CTNNA2: variants seen among roughly 807,000 people sequenced by gnomAD.
The protein encoded by CTNNA2 is catenin alpha 2, also known as catenin alpha-2.
Under a neutral mutation model 101.0 loss-of-function variants are expected in CTNNA2, and 42 were observed. That is an observed-to-expected ratio of 0.42 (90% CI 0.32 to 0.54). The LOEUF (loss-of-function observed/expected upper bound fraction) is 0.54, where lower values mean the gene tolerates loss of function less well. Among genes scored for constraint, CTNNA2 ranks in the 20% least tolerant of loss-of-function variants. The pLI, the probability that CTNNA2 is intolerant of heterozygous loss-of-function variation, is 0.14. For synonymous variants in CTNNA2, 450 were observed against 456.4 expected, an observed-to-expected ratio of 0.99 and a Z score of 0.18; for missense variants, 871 against 1,223.1, an observed-to-expected ratio of 0.71 and a Z score of 4.29.
At chr2:79,406,103 G>A (rs914985245) in intron 4 of CTNNA2, among the ~76,000 whole-genome samples, 5 of 152,044 alleles carry the variant, frequency 3.3e-5, no homozygotes, top group Non-Finnish European at 7.4e-5. Flanking sequence ...AAAATATCAA[G>A]AGGAATGCAA....
At chr2:80,102,629 C>G (rs368857984) in intron 7 of CTNNA2, among the ~76,000 whole-genome samples, 2 of 152,194 alleles carry the variant, frequency 1.3e-5, no homozygotes, top group Non-Finnish European at 2.9e-5. Flanking sequence ...TTTCCTGCCT[C>G]AGCCTCCTGA....
chr2:79,340,850 A>AAG (rs1553401524), intron 3 of CTNNA2, among the ~76,000 whole-genome samples: 9 of 147,098 alleles, frequency 6.1e-5, no homozygotes, highest in East Asian at 3.9e-4. Flanking sequence ...AAAAAAAAAA[A>AAG]AAAAGAAAAG....
At chr2:79,364,193 A>T (rs900378345) in intron 3 of CTNNA2, among the ~76,000 whole-genome samples, 10 of 152,210 alleles carry the variant, frequency 6.6e-5, no homozygotes, top group Non-Finnish European at 7.3e-5. Context: ...GAATACACTT[A>T]ACTTATCCTC....
intron 7 of CTNNA2, among the ~76,000 whole-genome samples, chr2:79,974,163 C>G (rs1346651529): frequency 2.6e-5 from 4 of 151,974 alleles, no homozygotes; most frequent in African/African-American, 9.7e-5. Flanking sequence ...CCTTGGGAAA[C>G]TTAGGAAACT....
At chr2:80,367,007 A>ATTTT (rs3040569) in intron 7 of CTNNA2, among the ~76,000 whole-genome samples, 10 of 142,574 alleles carry the variant, frequency 7.0e-5, no homozygotes, top group African/African-American at 2.3e-4. Flanking sequence ...AAATGGTTGC[A>ATTTT]TTTTTTTTTT....
intron 15 of CTNNA2, among the ~76,000 whole-genome samples, chr2:80,597,255 A>G (rs1215911025): frequency 1.3e-5 from 2 of 152,198 alleles, no homozygotes; most frequent in Admixed American, 1.3e-4. Context: ...CTGGCTAGCC[A>G]TATGCAGAAA....
chr2:80,011,339 G>A (rs1693763812), intron 7 of CTNNA2, among the ~76,000 whole-genome samples: 1 of 152,086 alleles, frequency 6.6e-6, no homozygotes, highest in South Asian at 2.1e-4. Context: ...TACGTATATA[G>A]AAATATGACA....
intron 2 of CTNNA2, among the ~76,000 whole-genome samples, chr2:79,732,414 A>C (rs1026987657): frequency 2.0e-5 from 3 of 152,084 alleles, no homozygotes; most frequent in Non-Finnish European, 4.4e-5. Flanking sequence ...CCTAAAAAGC[A>C]CGAGACTGGC....
At chr2:79,908,704 A>G (rs1031424309) in intron 6 of CTNNA2, among the ~76,000 whole-genome samples, 22 of 152,108 alleles carry the variant, frequency 1.4e-4, no homozygotes, top group Admixed American at 1.2e-3. Context: ...GTCCTTCTGT[A>G]TAGGGGTCTT....
Position 79,909,704 on chromosome 2 carries a change from C to A in CTNNA2, c.963C>A (p.Ser321=), listed in dbSNP as rs373147177. ...GCGCAGCGCTGATGGCCGACTCCTC[C>A]TGCACGCGAGACGACCGGCGCGAGA... ...ISGAALMADS[S]CTRDDRRERI... is the part of the protein sequence containing the mutation. The change falls in exon 7 of 19, where the codon TCC becomes TCA. Residue 321 remains serine, a synonymous_variant. Transcript: ENST00000402739. 116 of 1,614,026 alleles carry A rather than the reference C, an allele frequency of 7.2e-5. No homozygotes were observed. In the African/African-American group the frequency reaches 1.3e-3, roughly 18 times the overall value.
At chr2:80,436,842 A>G (rs11126765) in intron 9 of CTNNA2, among the ~76,000 whole-genome samples, 61,997 of 151,934 alleles carry the variant, frequency 0.41, 17,485 homozygotes, top group East Asian at 0.84. Context: ...CCTCCCAAAG[A>G]CCTCACCTCT....
intron 4 of CTNNA2, among the ~76,000 whole-genome samples, chr2:79,429,744 T>A (rs1392545225): frequency 6.6e-6 from 1 of 152,170 alleles, no homozygotes; most frequent in Non-Finnish European, 1.5e-5. Context: ...AGGGCAAATG[T>A]GGTTTTATTT....
chr2:80,404,949 A>T (rs1678927352), intron 8 of CTNNA2, among the ~76,000 whole-genome samples: 1 of 152,240 alleles, frequency 6.6e-6, no homozygotes, highest in Admixed American at 6.5e-5. Context: ...AAAGAGCTCT[A>T]CTTAGAGTTC....
At chr2:80,073,869 C>A (rs944556925) in intron 7 of CTNNA2, among the ~76,000 whole-genome samples, 1 of 151,864 alleles carries the variant, frequency 6.6e-6, no homozygotes, top group Non-Finnish European at 1.5e-5. Flanking sequence ...CTGAAACATT[C>A]TTTTTTAATG....
chr2:80,391,756 A>G, intron 7 of CTNNA2, among the ~76,000 whole-genome samples: 1 of 152,164 alleles, frequency 6.6e-6, no homozygotes, highest in Non-Finnish European at 1.5e-5. Context: ...TTCTCCATAC[A>G]CTTTTGTTTT....
chr2:79,264,419 T>A (rs1187237220), intron 2 of CTNNA2, among the ~76,000 whole-genome samples: 1 of 151,872 alleles, frequency 6.6e-6, no homozygotes, highest in Non-Finnish European at 1.5e-5. Context: ...ATGGCTAATT[T>A]TTTTATAAAA....
chr2:80,419,515 C>T lies in CTNNA2; in HGVS notation c.1204C>T (p.Leu402Phe). 6.2e-7 allele frequency: 1 copy of T among 1,613,568 alleles called. No homozygotes were observed. ...FLETNVPLLV[L>F]IEAAKSGNEK... ...GGAAACCAATGTTCCTTTGCTAGTT[C>T]TCATTGAGGCTGCAAAGAGCGGAAA... is the stretch of plus-strand genomic sequence containing the variant. Residue 402 changes from leucine to phenylalanine, a missense_variant, in exon 9 of 19, where the codon CTC (leucine) becomes TTC (phenylalanine). By Grantham distance (22) the Leu-to-Phe change is conservative (BLOSUM62 0). Around this residue, in one of 5 missense-constraint regions of CTNNA2, gnomAD observed 647 missense variants for 831.5 expected, o/e 0.78. Transcript: ENST00000402739.
chr2:79,488,327 AAAAAAAAAAAAAAAAAC>A (rs1429040061), intron 4 of CTNNA2, among the ~76,000 whole-genome samples: 14 of 67,638 alleles, frequency 2.1e-4, no homozygotes, highest in Non-Finnish European at 3.5e-4. Flanking sequence ...TCAAAAAAAA[AAAAAAAAAAAAAAAAAC>A]ACAGTTCAAA....
At chr2:80,609,389 T>C (rs1432922840) in intron 17 of CTNNA2, among the ~76,000 whole-genome samples, 2 of 151,772 alleles carry the variant, frequency 1.3e-5, no homozygotes, top group Non-Finnish European at 2.9e-5. Flanking sequence ...CTGGCTTGCA[T>C]AGAGACACCA....
Sources: gnomAD v4.1 joint callset for allele counts (sites outside exome capture counted in the v4.1 genomes callset) on GRCh38, gnomAD v4.1.1 for gene constraint, gnomAD v4.1.1 regional missense constraint, MANE v1.5 for transcripts, NCBI Gene and HGNC (gene_info 2026-07-23, HGNC 2026-07-21) for gene names.